The following ADCY2 variants were observed in gnomAD, a reference collection of about 807,000 sequenced individuals.
ADCY2 encodes adenylate cyclase type 2.
In ADCY2, 31 loss-of-function variants were observed where a neutral mutation model predicts 125.2. The ratio of observed to expected loss-of-function variants is 0.25; its 90% CI spans 0.19 to 0.33. ADCY2 has a LOEUF of 0.33. Ranked by LOEUF, ADCY2 falls within the 10% of genes least tolerant of loss-of-function variation. The pLI, the probability that ADCY2 is intolerant of heterozygous loss-of-function variation, is 1.00. For missense variants in ADCY2, 904 were observed against 1,418.2 expected (o/e 0.64, Z 5.82); for synonymous variants, 512 against 548.4 (o/e 0.93, Z 0.93).
rs75270760 is a variant in ADCY2, at chr5:7,664,472, A to G, written c.721-26219A>G. On this transcript the variant is annotated intron_variant, in intron 4 of 24. Coordinates refer to ENST00000338316, the MANE Select transcript of ADCY2 (RefSeq NM_020546.3). ...CTGGCTTGACAGGCTTGCCATTGAG[A>G]ACTAAGCTCTGACTTTTTATCTTGC... is the stretch of plus-strand genomic sequence containing the variant. 2.6e-3 allele frequency among the ~76,000 whole-genome samples: 403 copies of G among 152,216 alleles called. 9 individuals carry two copies. Among genetic ancestry groups the G allele is most frequent in the East Asian group, 0.02 (105 of 5,150 alleles).
intron 1 of ADCY2, among the ~76,000 whole-genome samples, chr5:7,397,458 T>TG (rs1230076065): frequency 4.7e-5 from 6 of 126,906 alleles, no homozygotes; most frequent in African/African-American, 1.8e-4. Context: ...TTTTTTTTTT[T>TG]TTTTTTTTTT....
chr5:7,806,234 C>T (rs973786545), intron 22 of ADCY2, among the ~76,000 whole-genome samples: 1 of 152,086 alleles, frequency 6.6e-6, no homozygotes, highest in Non-Finnish European at 1.5e-5. Flanking sequence ...GAACTAATTA[C>T]AATTTTAGTT....
intron 4 of ADCY2, among the ~76,000 whole-genome samples, chr5:7,639,464 T>C (rs1738619754): frequency 6.6e-6 from 1 of 152,212 alleles, no homozygotes; most frequent in African/African-American, 2.4e-5. Context: ...CACCTGTGGC[T>C]TTTTTATTTT....
chr5:7,457,808 G>C (rs144783746), intron 2 of ADCY2, among the ~76,000 whole-genome samples: 131 of 152,210 alleles, frequency 8.6e-4, no homozygotes, highest in Non-Finnish European at 1.3e-3. Context: ...AGAGGCAATC[G>C]GTAAAACAGA....
At position 7,709,376 on chromosome 5, in the gene ADCY2, A is replaced by T; in HGVS notation, c.1567A>T (p.Ile523Phe). ...RDSMTTENGK[I>F]STTDVPMGQH... ...CAGCATGACCACAGAGAACGGCAAG[A>T]TCAGCACCACGGTATGCCCTCCCCT... is the stretch of plus-strand genomic sequence containing the variant. The change falls in exon 10 of 25, where the codon ATC becomes TTC. Residue 523 changes from isoleucine (I) to phenylalanine (F), a missense_variant. By Grantham distance (21) the Ile-to-Phe change is conservative (BLOSUM62 0). This residue lies in a region of ADCY2 where 144 missense variants were observed against 227.7 expected (regional missense o/e 0.63). Transcript: ENST00000338316. The surrounding 1 kb of genome is among the most constrained non-coding windows in gnomAD (Gnocchi z 4.4). 1 of 1,603,664 alleles carries T rather than the reference A, an allele frequency of 6.2e-7. No individual in the cohort carries two copies. The highest frequency in any genetic ancestry group is 8.5e-7 in the Non-Finnish European group (1 of 1,175,308).
chr5:7,694,089 C>T (rs1740810182), intron 5 of ADCY2, among the ~76,000 whole-genome samples: 1 of 152,122 alleles, frequency 6.6e-6, no homozygotes, highest in Non-Finnish European at 1.5e-5. Flanking sequence ...CCTGATTTTC[C>T]TGTAACCATC....
intron 4 of ADCY2, among the ~76,000 whole-genome samples, chr5:7,659,091 A>G (rs566106007): frequency 6.6e-6 from 1 of 152,366 alleles, no homozygotes; most frequent in Admixed American, 6.5e-5. Context: ...GATGCAGTTT[A>G]TGTAGTCTTT....
intron 3 of ADCY2, among the ~76,000 whole-genome samples, chr5:7,560,599 T>G (rs1427788838): frequency 4.6e-5 from 7 of 152,178 alleles, no homozygotes; most frequent in Admixed American, 1.3e-4. Context: ...AAATTTGTGG[T>G]CTTGAGACTT....
intron 2 of ADCY2, among the ~76,000 whole-genome samples, chr5:7,512,343 C>T (rs1744101620): frequency 6.6e-6 from 1 of 150,920 alleles, no homozygotes; most frequent in African/African-American, 2.4e-5. Context: ...TTCTAGGGGA[C>T]ACTGGTGTAA....
chr5:7,623,356 G>A (rs182505606), intron 3 of ADCY2, among the ~76,000 whole-genome samples: 14 of 152,300 alleles, frequency 9.2e-5, no homozygotes, highest in Admixed American at 3.9e-4. Flanking sequence ...CATGGTTTGC[G>A]TTGGCTTCTC....
At chr5:7,773,782 A>G (rs1342102447) in intron 18 of ADCY2, among the ~76,000 whole-genome samples, 1 of 152,212 alleles carries the variant, frequency 6.6e-6, no homozygotes, top group African/African-American at 2.4e-5. Flanking sequence ...ATGCAGCAAG[A>G]ATGATTCTAC....
At chr5:7,416,784 G>A (rs1352393211) in intron 2 of ADCY2, among the ~76,000 whole-genome samples, 1 of 152,172 alleles carries the variant, frequency 6.6e-6, no homozygotes, top group Non-Finnish European at 1.5e-5. Context: ...CTGGTGCCCA[G>A]GTAATGTAAA....
At chr5:7,701,027 A>G (rs1186405177) in intron 7 of ADCY2, among the ~76,000 whole-genome samples, 3 of 149,878 alleles carry the variant, frequency 2.0e-5, no homozygotes, top group Non-Finnish European at 3.0e-5. Flanking sequence ...AAAAGTAAGT[A>G]ACTACTTTTA....
At chr5:7,767,262 A>G (rs1301659616) in intron 17 of ADCY2, among the ~76,000 whole-genome samples, 1 of 152,140 alleles carries the variant, frequency 6.6e-6, no homozygotes, top group East Asian at 1.9e-4. Flanking sequence ...TCTGTTCCCT[A>G]GTAATTCTTG....
intron 15 of ADCY2, among the ~76,000 whole-genome samples, chr5:7,752,767 T>G (rs981640947): frequency 6.6e-6 from 1 of 151,926 alleles, no homozygotes; most frequent in African/African-American, 2.4e-5. Flanking sequence ...GGAGCATGTA[T>G]GAACATTTTG....
At chr5:7,603,740 A>C (rs924533987) in intron 3 of ADCY2, among the ~76,000 whole-genome samples, 8 of 107,570 alleles carry the variant, frequency 7.4e-5, no homozygotes, top group Non-Finnish European at 1.1e-4. Flanking sequence ...CCAGTATGGC[A>C]TCTGCTTTCA....
Position 7,580,471 on chromosome 5 carries a change from A to G in ADCY2, c.571-45696A>G, listed in dbSNP as rs147781457. Among the ~76,000 whole-genome samples the G allele has an allele frequency of 2.1e-3, 326 of 152,324 alleles. 3 individuals carry two copies. The highest frequency in any genetic ancestry group is 7.5e-3 in the African/African-American group (312 of 41,582). ...GTTAATATATTAATGAGTGAGATTAACAACATATTGGAGATGACAGAAGAA... is the reference window on the plus strand; with the variant it reads ...GTTAATATATTAATGAGTGAGATTAGCAACATATTGGAGATGACAGAAGAA... On this transcript the variant is annotated intron_variant, in intron 3 of 24. Coordinates refer to ENST00000338316, the MANE Select transcript of ADCY2 (RefSeq NM_020546.3).
intron 3 of ADCY2, among the ~76,000 whole-genome samples, chr5:7,609,585 C>A (rs927334416): frequency 6.6e-6 from 1 of 152,088 alleles, no homozygotes; most frequent in Non-Finnish European, 1.5e-5. Context: ...ATATGGATTA[C>A]CCAATCTATA....
intron 22 of ADCY2, among the ~76,000 whole-genome samples, chr5:7,813,873 A>G (rs1201272903): frequency 6.6e-6 from 1 of 152,192 alleles, no homozygotes; most frequent in Non-Finnish European, 1.5e-5. Context: ...TCCATGGCAA[A>G]TATGTCCTCC....
Sources: gnomAD v4.1 joint callset for allele counts (sites outside exome capture counted in the v4.1 genomes callset) on GRCh38, gnomAD v4.1.1 for gene constraint, gnomAD v4.1.1 regional missense constraint, Gnocchi (gnomAD v3.1) non-coding constraint, MANE v1.5 for transcripts, NCBI Gene and HGNC (gene_info 2026-07-23, HGNC 2026-07-21) for gene names.